Variants in ARHGAP6 observed in about 807,000 individuals in gnomAD.
The protein encoded by ARHGAP6 is Rho GTPase activating protein 6, also known as rho GTPase-activating protein 6.
A neutral mutation model predicts 55.7 loss-of-function variants in ARHGAP6; 16 were observed. The observed-to-expected ratio is 0.29, with a 90% CI of 0.19 to 0.44. The LOEUF (loss-of-function observed/expected upper bound fraction) is 0.44. Among genes scored for constraint, ARHGAP6 ranks in the 20% least tolerant of loss-of-function variants. ARHGAP6 has a pLI of 1.00. For missense variants in ARHGAP6, 698 were observed against 808.9 expected (o/e 0.86, Z 1.66); for synonymous variants, 382 against 360.9 (o/e 1.06, Z -0.66).
chrX:11,648,381 CATGA>C (rs1430436840), intron 1 of ARHGAP6, among the ~76,000 whole-genome samples: 1 of 111,905 alleles, frequency 8.9e-6, no homozygotes, highest in Non-Finnish European at 1.9e-5. Flanking sequence ...TCTTAGTTCC[CATGA>C]ATGTAGAGGA....
intron 1 of ARHGAP6, among the ~76,000 whole-genome samples, chrX:11,310,175 A>AAG (rs1358426175): frequency 5.1e-5 from 5 of 97,900 alleles, no homozygotes; most frequent in Non-Finnish European, 1.0e-4. Flanking sequence ...AAAAAAAAAA[A>AAG]AAAAATTATC....
At chrX:11,203,627 C>T (rs2046664637) in intron 2 of ARHGAP6, among the ~76,000 whole-genome samples, 1 of 112,019 alleles carries the variant, frequency 8.9e-6, no homozygotes, top group South Asian at 3.7e-4. Flanking sequence ...TAAGATCATA[C>T]CCAGTTTTGT....
At chrX:11,300,964 C>T (rs1315562017) in intron 1 of ARHGAP6, among the ~76,000 whole-genome samples, 3 of 111,818 alleles carry the variant, frequency 2.7e-5, no homozygotes, top group Non-Finnish European at 5.7e-5. Flanking sequence ...AAAGTTTATA[C>T]ATCAGTTAAA....
chrX:11,552,528 G>C (rs1033496354), intron 1 of ARHGAP6, among the ~76,000 whole-genome samples: 1 of 76,686 alleles, frequency 1.3e-5, no homozygotes. Flanking sequence ...AGTTCCATCA[G>C]TGGATGAACT....
In ARHGAP6 at chrX:11,591,013, G is replaced by A. The variant is rs1050602266; in HGVS notation, c.588+73228C>T. ...CGCCTGTAATCCTAGCCAAGATGGT[G>A]AAACCCCGTCTCTACTAAAAATACA... is the stretch of plus-strand genomic sequence containing the variant. On this transcript the variant is annotated intron_variant, in intron 1 of 12. Coordinates refer to ENST00000337414, the MANE Select transcript of ARHGAP6 (RefSeq NM_013427.3). Among the ~76,000 whole-genome samples, 9 of 108,032 alleles carry A rather than the reference G, an allele frequency of 8.3e-5. No homozygotes were observed. In the East Asian group the frequency reaches 2.6e-3, roughly 31 times the overall value. The allele number at this position is 108,032 out of a possible 115,157, so 93.8% of individuals were successfully genotyped here.
At chrX:11,304,777 C>CTTTTTTTTTTTTTTTTTTTTTT (rs953912280) in intron 1 of ARHGAP6, among the ~76,000 whole-genome samples, 1 of 50,308 alleles carries the variant, frequency 2.0e-5, no homozygotes, top group Non-Finnish European at 3.7e-5. Context: ...CTTTCTTTTA[C>CTTTTTTTTTTTTTTTTTTTTTT]TTTTTTTTTT....
intron 1 of ARHGAP6, among the ~76,000 whole-genome samples, chrX:11,384,179 AC>A (rs1349606348): frequency 8.9e-6 from 1 of 112,033 alleles, no homozygotes; most frequent in Non-Finnish European, 1.9e-5. Flanking sequence ...TTGTAAAACA[AC>A]ACGATGTGCC....
intron 1 of ARHGAP6, among the ~76,000 whole-genome samples, chrX:11,318,965 C>A (rs980105043): frequency 2.7e-5 from 3 of 111,788 alleles, no homozygotes; most frequent in Non-Finnish European, 5.6e-5. Context: ...TTTAAGTGAA[C>A]CTAATGGAAA....
At chrX:11,202,302 G>A (rs1203003572) in intron 2 of ARHGAP6, among the ~76,000 whole-genome samples, 1 of 110,263 alleles carries the variant, frequency 9.1e-6, no homozygotes, top group Non-Finnish European at 1.9e-5. Flanking sequence ...TCTTTAAAAA[G>A]GCTTCAGAGG....
At chrX:11,191,813 C>T (rs924309265) in intron 3 of ARHGAP6, among the ~76,000 whole-genome samples, 1 of 111,720 alleles carries the variant, frequency 9.0e-6, no homozygotes, top group Non-Finnish European at 1.9e-5. Context: ...CAGCCTTTAA[C>T]CCTGATCGCC....
chrX:11,563,006 A>G (rs143409762), intron 1 of ARHGAP6, among the ~76,000 whole-genome samples: 5 of 112,027 alleles, frequency 4.5e-5, no homozygotes, highest in African/African-American at 1.6e-4. Flanking sequence ...GTATTGGACT[A>G]ACTTCTGCTT....
intron 1 of ARHGAP6, among the ~76,000 whole-genome samples, chrX:11,479,779 A>C (rs1051145747): frequency 9.0e-6 from 1 of 111,717 alleles, no homozygotes; most frequent in Non-Finnish European, 1.9e-5. Flanking sequence ...CACTGCTCTT[A>C]ATCAAGAGCT....
chrX:11,556,203 A>C (rs765452986), intron 1 of ARHGAP6, among the ~76,000 whole-genome samples: 1 of 112,048 alleles, frequency 8.9e-6, no homozygotes, highest in South Asian at 3.8e-4. Flanking sequence ...CATCATCACC[A>C]TCATCACTAT....
intron 8 of ARHGAP6, among the ~76,000 whole-genome samples, chrX:11,176,735 G>GT (rs1286320329): frequency 1.8e-5 from 2 of 111,190 alleles, no homozygotes; most frequent in Non-Finnish European, 3.8e-5. Flanking sequence ...ATCCAAATGA[G>GT]TAATAAAACT....
intron 1 of ARHGAP6, among the ~76,000 whole-genome samples, chrX:11,276,709 T>C (rs1360667212): frequency 8.9e-6 from 1 of 112,209 alleles, no homozygotes; most frequent in Non-Finnish European, 1.9e-5. Context: ...TTTTCAAAAA[T>C]GTTTTCTCCT....
intron 1 of ARHGAP6, among the ~76,000 whole-genome samples, chrX:11,593,121 C>T (rs1249997734): frequency 8.9e-6 from 1 of 112,235 alleles, no homozygotes; most frequent in Non-Finnish European, 1.9e-5. Context: ...GATCTGTCAA[C>T]TCTGTACATA....
chrX:11,155,629 T>C (rs1344034892), intron 10 of ARHGAP6, among the ~76,000 whole-genome samples: 1 of 112,020 alleles, frequency 8.9e-6, no homozygotes, highest in Non-Finnish European at 1.9e-5. Context: ...AGTCTCAATT[T>C]CAGAGATCAT....
intron 1 of ARHGAP6, among the ~76,000 whole-genome samples, chrX:11,385,911 T>C (rs1375643819): frequency 8.9e-6 from 1 of 112,429 alleles, no homozygotes; most frequent in Non-Finnish European, 1.9e-5. Flanking sequence ...TATACTAGTA[T>C]TACACAAAGT....
intron 2 of ARHGAP6, among the ~76,000 whole-genome samples, chrX:11,248,393 C>T (rs1313884202): frequency 9.0e-6 from 1 of 111,674 alleles, no homozygotes; most frequent in Non-Finnish European, 1.9e-5. Context: ...AAAGCAAATG[C>T]AATAAAAAGA....
Sources: gnomAD v4.1 joint callset for allele counts (sites outside exome capture counted in the v4.1 genomes callset) on GRCh38, gnomAD v4.1.1 for gene constraint, MANE v1.5 for transcripts, NCBI Gene and HGNC (gene_info 2026-07-23, HGNC 2026-07-21) for gene names.